TAF1B: variants seen among roughly 807,000 people sequenced by gnomAD.
The protein encoded by TAF1B is TATA-box binding protein associated factor, RNA polymerase I subunit B.
A neutral mutation model predicts 83.9 loss-of-function variants in TAF1B; 61 were observed. That is an observed-to-expected ratio of 0.73 (90% CI 0.59 to 0.90). The LOEUF (loss-of-function observed/expected upper bound fraction) is 0.90. Among genes scored for constraint, TAF1B ranks in the 40% least tolerant of loss-of-function variants. The pLI is 0.00. For missense variants in TAF1B, 625 were observed against 677.0 expected (o/e 0.92, Z 0.85); for synonymous variants, 221 against 224.6 (o/e 0.98, Z 0.14).
intron 14 of TAF1B, among the ~76,000 whole-genome samples, chr2:9,920,515 C>T (rs1665841708): frequency 1.4e-5 from 2 of 144,900 alleles, no homozygotes; most frequent in Admixed American, 1.5e-4. Flanking sequence ...CATCCCTGGC[C>T]AAAACAAGTG....
chr2:9,911,463 C>T (rs1472314029), intron 10 of TAF1B, 48 bp from the exon 11 acceptor site: 1 of 1,384,844 alleles, frequency 7.2e-7, no homozygotes. Context: ...TTTATCTTTC[C>T]AAATACATGA....
Position 9,875,708 on chromosome 2 carries a change from G to A in TAF1B, c.554-157G>A, listed in dbSNP as rs184666311. Among the ~76,000 whole-genome samples the A allele has an allele frequency of 2.4e-4, 37 of 152,332 alleles. 1 individual carries two copies. Among genetic ancestry groups the A allele is most frequent in the African/African-American group, 7.7e-4 (32 of 41,566 alleles). On this transcript the variant is annotated intron_variant, in intron 6 of 14. Coordinates refer to ENST00000263663, the MANE Select transcript of TAF1B (RefSeq NM_005680.3). ...TTTCCCCAGGTCCCTCCCATGACAC[G>A]TGGGAATTATGAGAACTACAGTTCA... is the stretch of plus-strand genomic sequence containing the variant.
intron 14 of TAF1B, among the ~76,000 whole-genome samples, chr2:9,922,059 A>G (rs979840359): frequency 1.4e-4 from 22 of 152,356 alleles, no homozygotes; most frequent in African/African-American, 5.3e-4. Context: ...CCCCATATTG[A>G]CATAGAAATT....
At chr2:9,866,823 A>G (rs979629612) in intron 5 of TAF1B, among the ~76,000 whole-genome samples, 2 of 152,172 alleles carry the variant, frequency 1.3e-5, no homozygotes, top group African/African-American at 2.4e-5. Flanking sequence ...ATTCTGAGCA[A>G]ACTATCACAA....
intron 5 of TAF1B, among the ~76,000 whole-genome samples, chr2:9,856,261 A>G (rs142037483): frequency 1.4e-3 from 208 of 151,872 alleles, no homozygotes; most frequent in African/African-American, 4.9e-3. Flanking sequence ...GTTAAATGTT[A>G]TCCTGGCGGG....
intron 12 of TAF1B, among the ~76,000 whole-genome samples, chr2:9,916,389 G>A (rs12995394): frequency 0.51 from 78,219 of 152,066 alleles, 23,130 homozygotes; most frequent in Non-Finnish European, 0.68. Context: ...TCAGGTATCT[G>A]AACACTTAAG....
At chr2:9,854,602 T>G (rs1052503535) in intron 5 of TAF1B, among the ~76,000 whole-genome samples, 181 bp downstream of exon 5, 1 of 152,206 alleles carries the variant, frequency 6.6e-6, no homozygotes, top group Non-Finnish European at 1.5e-5. Context: ...GGAATAAAGT[T>G]TTTTCTTCAC....
At chr2:9,850,027 A>G (rs287990) in intron 3 of TAF1B, among the ~76,000 whole-genome samples, 2,770 of 123,580 alleles carry the variant, frequency 0.022, 27 homozygotes, top group Non-Finnish European at 0.031. Flanking sequence ...ATATATATAT[A>G]TGTGTGTGTG....
chr2:9,894,221 G>A (rs1022503227), intron 8 of TAF1B, among the ~76,000 whole-genome samples: 37 of 133,074 alleles, frequency 2.8e-4, no homozygotes, highest in Admixed American at 2.7e-3. Context: ...ATTTGAAATA[G>A]CTATAAAACA....
intron 8 of TAF1B, among the ~76,000 whole-genome samples, chr2:9,904,284 G>A (rs930391315): frequency 3.3e-5 from 5 of 152,052 alleles, no homozygotes; most frequent in Admixed American, 1.3e-4. Flanking sequence ...GTAGGCCCTT[G>A]TGTCTGTTGT....
chr2:9,931,567 G>A (rs1666213001), intron 14 of TAF1B, among the ~76,000 whole-genome samples: 1 of 152,182 alleles, frequency 6.6e-6, no homozygotes, highest in South Asian at 2.1e-4. Flanking sequence ...CCCTTTGTGG[G>A]TAACCGACCT....
chr2:9,887,400 T>C (rs945728201), intron 8 of TAF1B, among the ~76,000 whole-genome samples: 10 of 152,216 alleles, frequency 6.6e-5, no homozygotes, highest in Non-Finnish European at 1.3e-4. Context: ...CCTATCAGTT[T>C]TTGCTTCTGT....
intron 8 of TAF1B, among the ~76,000 whole-genome samples, chr2:9,897,856 A>T (rs1665062950): frequency 6.6e-6 from 1 of 152,178 alleles, no homozygotes; most frequent in Admixed American, 6.5e-5. Flanking sequence ...TTTCAAATCT[A>T]CTTGAGGGAA....
At chr2:9,868,873 C>T (rs545524221) in intron 6 of TAF1B, 205 of 340,924 alleles carry the variant, frequency 6.0e-4, no homozygotes, top group African/African-American at 4.3e-3. Flanking sequence ...GTTTTACTTT[C>T]TGATATAATT....
In TAF1B at chr2:9,845,265, G is replaced by T. The variant is rs755597362; in HGVS notation, c.64G>T (p.Gly22Cys). 1.2e-6 allele frequency: 2 copies of T among 1,613,880 alleles called. No individual in the cohort carries two copies. The highest frequency in any genetic ancestry group is 1.7e-6 in the Non-Finnish European group (2 of 1,179,868). Residue 22 changes from glycine (G) to cysteine (C), a missense_variant, in exon 2 of 15, where the codon GGT becomes TGT. By Grantham distance (159) the Gly-to-Cys change is radical. Transcript: ENST00000263663. ...RCTQCAAVSW[G>C]LTDEGKYYCT... Reference sequence around the variant, plus strand: ...TACTCAGTGTGCTGCTGTCTCATGGGGTCTTACTGATGAAGGCAAATATTA... The same window carrying T: ...TACTCAGTGTGCTGCTGTCTCATGGTGTCTTACTGATGAAGGCAAATATTA...
intron 5 of TAF1B, among the ~76,000 whole-genome samples, chr2:9,860,197 T>G (rs901889918): frequency 6.6e-6 from 1 of 152,082 alleles, no homozygotes; most frequent in South Asian, 2.1e-4. Context: ...CAATTCAAGA[T>G]GAGATTTGGG....
intron 9 of TAF1B, among the ~76,000 whole-genome samples, chr2:9,909,549 G>A (rs550216982): frequency 8.8e-4 from 134 of 152,304 alleles, no homozygotes; most frequent in African/African-American, 3.1e-3. Context: ...TAGGCTGGGA[G>A]CTAAAAGCTT....
chr2:9,922,491 G>A (rs950416976), intron 14 of TAF1B, among the ~76,000 whole-genome samples: 1 of 152,004 alleles, frequency 6.6e-6, no homozygotes, highest in African/African-American at 2.4e-5. Context: ...TCAGGTTTTT[G>A]CTCAAATTTC....
chr2:9,905,777 T>C (rs1044815140), intron 9 of TAF1B, among the ~76,000 whole-genome samples: 1 of 152,176 alleles, frequency 6.6e-6, no homozygotes, highest in Non-Finnish European at 1.5e-5. Flanking sequence ...AAAAAAGCAA[T>C]ATATGAAATT....
Sources: allele counts gnomAD v4.1 joint callset (sites outside exome capture counted in the v4.1 genomes callset), GRCh38; gene constraint gnomAD v4.1.1; transcripts MANE v1.5; gene names NCBI Gene and HGNC (gene_info 2026-07-23, HGNC 2026-07-21).